The following RIMS1 variants were observed in gnomAD, a reference collection of about 807,000 sequenced individuals.
RIMS1 encodes the protein regulating synaptic membrane exocytosis protein 1.
Under a neutral mutation model 214.1 loss-of-function variants are expected in RIMS1, and 83 were observed. That is an observed-to-expected ratio of 0.39 (90% confidence interval 0.32 to 0.47). The LOEUF (loss-of-function observed/expected upper bound fraction) is 0.47, where lower values mean the gene tolerates loss of function less well. RIMS1 is among the 20% of genes least tolerant of loss of function. The pLI is 0.99. For missense variants in RIMS1, 2,050 were observed against 2,161.8 expected (o/e 0.95, Z 1.03); for synonymous variants, 793 against 786.8 (o/e 1.01, Z -0.13).
At position 72,093,210 on chromosome 6, in the gene RIMS1, G is replaced by GTATA. The variant is rs368970705; in HGVS notation, c.246-3724_246-3721dup. On this transcript the variant is annotated intron_variant, in intron 2 of 33. Coordinates refer to ENST00000521978, the MANE Select transcript of RIMS1 (RefSeq NM_014989.7). ...ATATGTATTAAGCATATGTATGTGA[G>GTATA]TATATATATATATATATAAAAACAT... Among the ~76,000 whole-genome samples the GTATA allele has an allele frequency of 3.5e-5, 2 of 56,494 alleles. 1 individual carries two copies. The highest frequency in any genetic ancestry group is 3.9e-4 in the Admixed American group (2 of 5,090). The allele number at this position is 56,494 out of a possible 152,430, so 37.1% of individuals were successfully genotyped here.
At chr6:71,909,706 A>G (rs2150573888) in intron 1 of RIMS1, among the ~76,000 whole-genome samples, 1 of 152,290 alleles carries the variant, frequency 6.6e-6, no homozygotes, top group East Asian at 1.9e-4. Flanking sequence ...AGGAAGCTCT[A>G]TTTTTTATGT....
At chr6:72,294,266 A>G (rs1396037802) in intron 26 of RIMS1, among the ~76,000 whole-genome samples, 1 of 151,714 alleles carries the variant, frequency 6.6e-6, no homozygotes, top group Non-Finnish European at 1.5e-5. Flanking sequence ...TCTATTTAAG[A>G]TTGATTTCAT....
At chr6:72,287,559 G>A (rs1395744917) in intron 24 of RIMS1, among the ~76,000 whole-genome samples, 1 of 151,968 alleles carries the variant, frequency 6.6e-6, no homozygotes, top group African/African-American at 2.4e-5. Context: ...TTAGGGTCAG[G>A]CATACATAAG....
At chr6:72,297,744 C>T (rs111376096) in intron 26 of RIMS1, among the ~76,000 whole-genome samples, 7 of 152,110 alleles carry the variant, frequency 4.6e-5, no homozygotes, top group African/African-American at 1.7e-4. Context: ...CTGCGCCTCT[C>T]CTTAGGGATT....
intron 1 of RIMS1, among the ~76,000 whole-genome samples, chr6:71,918,990 G>A (rs959524013): frequency 5.3e-5 from 8 of 152,098 alleles, no homozygotes; most frequent in African/African-American, 1.9e-4. Flanking sequence ...AGGCAGCAAA[G>A]ATTAAAGCAA....
At chr6:72,020,348 GT>G (rs1814226503) in intron 2 of RIMS1, among the ~76,000 whole-genome samples, 1 of 152,084 alleles carries the variant, frequency 6.6e-6, no homozygotes, top group African/African-American at 2.4e-5. Flanking sequence ...AAATCACATA[GT>G]TTTTCCTGCT....
At chr6:72,104,446 A>G (rs901530524) in intron 4 of RIMS1, among the ~76,000 whole-genome samples, 4 of 152,170 alleles carry the variant, frequency 2.6e-5, no homozygotes, top group African/African-American at 9.7e-5. Context: ...CTGCCATCCA[A>G]CAGATTTCAT....
chr6:72,317,113 C>T lies in RIMS1; in HGVS notation c.4130+3441C>T, dbSNP rs1003989452. On this transcript the variant is annotated intron_variant, in intron 28 of 33. Transcript: ENST00000521978. ...CACCTCCTCCCCACTGCTCCCCATG[C>T]CTGAAGGAGCTGGGCTGCTCTGTGG... 5 of 413,996 alleles carry T rather than the reference C, an allele frequency of 1.2e-5. No individual in the cohort carries two copies. In the Admixed American group the frequency reaches 1.4e-4, roughly 12 times the overall value. The allele number at this position is 413,996 out of a possible 1,614,324, so 25.6% of individuals were successfully genotyped here. A position where few individuals can be genotyped will look rare whatever the true frequency, so the allele number is the denominator to read the frequency against.
At chr6:71,937,863 A>T (rs1185396590) in intron 1 of RIMS1, among the ~76,000 whole-genome samples, 2 of 152,274 alleles carry the variant, frequency 1.3e-5, no homozygotes, top group Middle Eastern at 3.4e-3. Flanking sequence ...CACATACAAA[A>T]TATATTCATT....
At chr6:71,954,050 T>A (rs1477474219) in intron 1 of RIMS1, among the ~76,000 whole-genome samples, 1 of 152,104 alleles carries the variant, frequency 6.6e-6, no homozygotes, top group Non-Finnish European at 1.5e-5. Context: ...TTTCATGACT[T>A]TTTTTTGCCT....
rs1469027478 is a variant in RIMS1, at chr6:72,266,014, A to G, written c.3363A>G (p.Arg1121=). 8 of 1,584,516 alleles carry G rather than the reference A, an allele frequency of 5.0e-6. No individual in the cohort carries two copies. The highest frequency in any genetic ancestry group is 6.9e-6 in the Non-Finnish European group (8 of 1,164,182). ...RARSASTNCL[R]PDTSLHSPER... ...GGAGTGCTAGTACCAACTGCTTGAG[A>G]CCAGATACTAGTTTGCATTCACCAG... The change falls in exon 22 of 34, where the codon AGA becomes AGG. Residue 1121 remains arginine, a synonymous_variant. Coordinates refer to ENST00000521978, the MANE Select transcript of RIMS1 (RefSeq NM_014989.7).
chr6:72,394,664 A>T (rs1278170420), intron 31 of RIMS1, among the ~76,000 whole-genome samples: 1 of 151,040 alleles, frequency 6.6e-6, no homozygotes, highest in Non-Finnish European at 1.5e-5. Flanking sequence ...ATGCATAAAC[A>T]TAACAGGTTT....
At chr6:72,351,811 A>G (rs2097457689) in intron 29 of RIMS1, among the ~76,000 whole-genome samples, 1 of 152,164 alleles carries the variant, frequency 6.6e-6, no homozygotes. Flanking sequence ...AAAATATTTA[A>G]TTTGGACTTC....
chr6:72,107,053 CA>C (rs1211071759), intron 4 of RIMS1, among the ~76,000 whole-genome samples: 2 of 152,190 alleles, frequency 1.3e-5, no homozygotes, highest in Non-Finnish European at 2.9e-5. Flanking sequence ...AGGGTCAGAG[CA>C]GCTCAAATGC....
intron 6 of RIMS1, among the ~76,000 whole-genome samples, chr6:72,231,272 ATTTAGAT>A (rs1345543833): frequency 6.6e-6 from 1 of 151,662 alleles, no homozygotes; most frequent in Non-Finnish European, 1.5e-5. Context: ...ACAACTAAGT[ATTTAGAT>A]TTTAGATTTT....
At chr6:72,271,286 A>AAAATAT (rs1417580438) in intron 22 of RIMS1, among the ~76,000 whole-genome samples, 12 of 44,410 alleles carry the variant, frequency 2.7e-4, no homozygotes, top group Non-Finnish European at 3.3e-4. Flanking sequence ...AAAAAAAAAA[A>AAAATAT]ATATATATAT....
At chr6:71,922,545 C>T (rs996915616) in intron 1 of RIMS1, among the ~76,000 whole-genome samples, 10 of 152,092 alleles carry the variant, frequency 6.6e-5, no homozygotes, top group African/African-American at 1.9e-4. Context: ...GTCTCAAAGA[C>T]AAAACAAAAC....
At chr6:72,228,979 A>G (rs2061133324) in intron 6 of RIMS1, among the ~76,000 whole-genome samples, 1 of 151,934 alleles carries the variant, frequency 6.6e-6, no homozygotes, top group Admixed American at 6.6e-5. Flanking sequence ...GCATTTAGAA[A>G]ACAATAGCGC....
At chr6:72,263,740 G>A (rs901855512) in intron 19 of RIMS1, 1 of 984,528 alleles carries the variant, frequency 1.0e-6, no homozygotes, top group African/African-American at 1.8e-5. Context: ...GAAGCGGGCA[G>A]ATCACTTGAG....
Sources: allele counts gnomAD v4.1 joint callset (sites outside exome capture counted in the v4.1 genomes callset), GRCh38; gene constraint gnomAD v4.1.1; transcripts MANE v1.5; gene names NCBI Gene and HGNC (gene_info 2026-07-23, HGNC 2026-07-21).